TFAP2D: variants seen among roughly 807,000 people sequenced by gnomAD.
TFAP2D encodes transcription factor AP-2-delta.
A neutral mutation model predicts 43.6 loss-of-function variants in TFAP2D; 9 were observed. The observed-to-expected ratio is 0.21, with a 90% CI of 0.12 to 0.36. The LOEUF is 0.36. Among genes scored for constraint, TFAP2D ranks in the 10% least tolerant of loss-of-function variants. The probability of loss-of-function intolerance (pLI) is 1.00; values close to 1 mark genes in which losing one functional copy is unlikely to be tolerated. For missense variants in TFAP2D, 513 were observed against 561.4 expected (o/e 0.91, Z 0.87); for synonymous variants, 256 against 224.9 (o/e 1.14, Z -1.24).
intron 5 of TFAP2D, among the ~76,000 whole-genome samples, chr6:50,735,713 G>A (rs932323104): frequency 1.3e-5 from 2 of 152,050 alleles, no homozygotes; most frequent in Non-Finnish European, 2.9e-5. Context: ...CCACTTGGTG[G>A]TATTTCCCTT....
Position 50,763,258 on chromosome 6 carries a change from A to G in TFAP2D, c.1140-9387A>G, listed in dbSNP as rs576777891. ...TATGATGCCTTCAATCACATTGTTA[A>G]TTAATGTGTCCAGCAGAGTGGGATT... On this transcript the variant is annotated intron_variant, in intron 7 of 7. Transcript: ENST00000008391. Among the ~76,000 whole-genome samples, 5 of 152,264 alleles carry G rather than the reference A, an allele frequency of 3.3e-5. No individual in the cohort carries two copies. The South Asian group carries it at 1.0e-3, about 32-fold the overall frequency.
At position 50,772,852 on chromosome 6, in the gene TFAP2D, A is replaced by G. The variant is rs768489827; in HGVS notation, c.1347A>G (p.Glu449=). ...CTGCCGTGAAAGAGGGCAAAACAGA[A>G]AAGACAGACTAGCTACATCAAACAG... The part of the protein sequence containing the change: ...SEAAVKEGKT[E]KTD The change falls in exon 8 of 8, where the codon GAA becomes GAG. Residue 449 remains glutamate, a synonymous_variant. Transcript: ENST00000008391. 9.3e-6 allele frequency: 15 copies of G among 1,613,140 alleles called. No individual in the cohort carries two copies. The highest frequency in any genetic ancestry group is 1.3e-5 in the African/African-American group (1 of 74,878).
intron 5 of TFAP2D, among the ~76,000 whole-genome samples, chr6:50,731,654 C>T (rs1768895669): frequency 6.6e-6 from 1 of 152,056 alleles, no homozygotes; most frequent in Non-Finnish European, 1.5e-5. Flanking sequence ...AGAACATAAT[C>T]TTTGACATAC....
At position 50,715,629 on chromosome 6, in the gene TFAP2D, G is replaced by A. The variant is rs1234957870; in HGVS notation, c.537+16G>A. On this transcript the variant is annotated intron_variant, in intron 2 of 7. Coordinates refer to ENST00000008391, the MANE Select transcript of TFAP2D (RefSeq NM_172238.4). ...CGACTTGCAGGTAAATAAGCATGCA[G>A]CGAATTTGTCTGCTCCCTCCCCTCT... 6.3e-7 allele frequency: 1 copy of A among 1,578,592 alleles called. No individual in the cohort carries two copies. Among genetic ancestry groups the A allele is most frequent in the Non-Finnish European group, 8.6e-7 (1 of 1,162,620 alleles).
intron 7 of TFAP2D, among the ~76,000 whole-genome samples, chr6:50,768,615 C>G (rs2113896090): frequency 6.6e-6 from 1 of 152,218 alleles, no homozygotes; most frequent in Admixed American, 6.5e-5. Flanking sequence ...TGATTGCACA[C>G]TTCTTTTTAC....
At chr6:50,749,788 A>G (rs1371933523) in intron 6 of TFAP2D, among the ~76,000 whole-genome samples, 1 of 151,924 alleles carries the variant, frequency 6.6e-6, no homozygotes, top group Non-Finnish European at 1.5e-5. Context: ...GAATGAAAGT[A>G]GAAACACACA....
intron 7 of TFAP2D, 48 bp from the exon 8 acceptor site, chr6:50,772,597 A>C (rs1301415099): frequency 6.5e-7 from 1 of 1,527,822 alleles, no homozygotes; most frequent in East Asian, 2.3e-5. Flanking sequence ...ATTTCACATG[A>C]TACTGCAAAT....
intron 5 of TFAP2D, among the ~76,000 whole-genome samples, chr6:50,732,221 G>A (rs1026073212): frequency 2.0e-5 from 3 of 152,016 alleles, no homozygotes; most frequent in Non-Finnish European, 4.4e-5. Flanking sequence ...TTGTGGGAAA[G>A]AATACGAATA....
chr6:50,717,839 G>C (rs1768652808), intron 2 of TFAP2D, among the ~76,000 whole-genome samples: 1 of 152,242 alleles, frequency 6.6e-6, no homozygotes, highest in South Asian at 2.1e-4. Flanking sequence ...GAGGGAGTGT[G>C]TGGGAGAAAC....
intron 5 of TFAP2D, among the ~76,000 whole-genome samples, chr6:50,732,286 A>G (rs1768905628): frequency 1.3e-5 from 2 of 152,158 alleles, no homozygotes; most frequent in African/African-American, 4.8e-5. Context: ...GATTTTCTAT[A>G]TTAACTTATA....
chr6:50,747,763 A>G lies in TFAP2D; in HGVS notation c.1025+2515A>G, dbSNP rs1769145218. The stretch of plus-strand genomic sequence containing the variant: ...GAGAAATGCTAGAAGAAATGCATCC[A>G]TATTTGTCAAAATTATACTGAGACA... On this transcript the variant is annotated intron_variant, in intron 6 of 7. Transcript: ENST00000008391. Among the ~76,000 whole-genome samples the G allele has an allele frequency of 2.6e-5, 4 of 152,092 alleles. No individual in the cohort carries two copies. The East Asian group carries it at 7.7e-4, about 29-fold the overall frequency.
rs1384646319 is a variant in TFAP2D, at chr6:50,715,608, T to G, written c.532T>G (p.Leu178Val). ...GCTGGCCGCCGCGGGAGCAGACGACTTGCAGGTAAATAAGCATGCAGCGAA... is the reference window on the plus strand; with the variant it reads ...GCTGGCCGCCGCGGGAGCAGACGACGTGCAGGTAAATAAGCATGCAGCGAA... ...LGLAAAGADD[L>V]QGSVEAQCGL... The change falls in exon 2 of 8, where the codon TTG (leucine) becomes GTG (valine). Residue 178 changes from leucine (L) to valine (V), a missense_variant. Leu to Val is a conservative substitution (Grantham distance 32, BLOSUM62 1). Coordinates refer to ENST00000008391, the MANE Select transcript of TFAP2D (RefSeq NM_172238.4). 2.5e-6 allele frequency: 4 copies of G among 1,592,358 alleles called. No individual in the cohort carries two copies. Among genetic ancestry groups the G allele is most frequent in the Admixed American group, 1.7e-5 (1 of 58,672 alleles).
At chr6:50,754,301 AT>A (rs1769236466) in intron 7 of TFAP2D, among the ~76,000 whole-genome samples, 2 of 151,382 alleles carry the variant, frequency 1.3e-5, no homozygotes, top group Admixed American at 1.3e-4. Flanking sequence ...ATGTGTCAAA[AT>A]TTTCTTCCTT....
chr6:50,715,734 CTCTCT>C, intron 2 of TFAP2D, 121 bp downstream of exon 2: 1 of 742,902 alleles, frequency 1.3e-6, no homozygotes, highest in African/African-American at 1.9e-5. Flanking sequence ...CTCTCTCTCT[CTCTCT>C]CTCTCTCTCT....
At chr6:50,729,410 T>C (rs748392432) in intron 5 of TFAP2D, 98 bp downstream of exon 5, 2 of 973,106 alleles carry the variant, frequency 2.1e-6, no homozygotes, top group Non-Finnish European at 3.2e-6. Flanking sequence ...GTCTGTACCA[T>C]TAAGCAAGTC....
At chr6:50,757,320 C>CTA (rs1386850080) in intron 7 of TFAP2D, among the ~76,000 whole-genome samples, 1 of 136,670 alleles carries the variant, frequency 7.3e-6, no homozygotes, top group African/African-American at 2.8e-5. Flanking sequence ...TCTATATTCT[C>CTA]TATAGATATA....
intron 7 of TFAP2D, among the ~76,000 whole-genome samples, chr6:50,764,883 A>G (rs1769420550): frequency 6.6e-6 from 1 of 152,222 alleles, no homozygotes; most frequent in South Asian, 2.1e-4. Flanking sequence ...AAGTTAATAC[A>G]TCCATCACCT....
chr6:50,756,158 C>T (rs1445741997), intron 7 of TFAP2D, among the ~76,000 whole-genome samples: 1 of 151,968 alleles, frequency 6.6e-6, no homozygotes, highest in Non-Finnish European at 1.5e-5. Flanking sequence ...GCAACTGTAC[C>T]AGGCCGAGTG....
At chr6:50,750,479 G>A (rs542854982) in intron 6 of TFAP2D, among the ~76,000 whole-genome samples, 1 of 151,948 alleles carries the variant, frequency 6.6e-6, no homozygotes, top group Non-Finnish European at 1.5e-5. Flanking sequence ...TTTGTATAGT[G>A]TATTCTGCTT....
Sources: gnomAD v4.1 joint callset for allele counts (sites outside exome capture counted in the v4.1 genomes callset) on GRCh38, gnomAD v4.1.1 for gene constraint, MANE v1.5 for transcripts, NCBI Gene and HGNC (gene_info 2026-07-23, HGNC 2026-07-21) for gene names.